The following MSI2 variants were observed in gnomAD, a reference collection of about 807,000 sequenced individuals.
MSI2 encodes the protein musashi RNA binding protein 2.
In MSI2, 17 loss-of-function variants were observed where a neutral mutation model predicts 45.6. That is an observed-to-expected ratio of 0.37 (90% CI 0.26 to 0.56). The LOEUF (loss-of-function observed/expected upper bound fraction) is 0.56, where lower values mean the gene tolerates loss of function less well. Ranked by LOEUF, MSI2 falls within the 20% of genes least tolerant of loss-of-function variation. MSI2 has a pLI of 0.77. For synonymous variants in MSI2, 156 were observed against 158.2 expected (o/e 0.99, Z 0.11); for missense variants, 293 against 444.2 (o/e 0.66, Z 3.06).
intron 5 of MSI2, among the ~76,000 whole-genome samples, chr17:57,343,752 G>A (rs78415013): frequency 5.3e-5 from 8 of 152,122 alleles, no homozygotes; most frequent in East Asian, 1.9e-4. Flanking sequence ...TGACTCTTTC[G>A]TCTGCTTTAA....
rs74268855 is a variant in MSI2, at chr17:57,488,823, TA to T, written c.406-40839del. Among the ~76,000 whole-genome samples, 956 of 139,528 alleles carry T rather than the reference TA, an allele frequency of 6.9e-3. 1 individual carries two copies. Among genetic ancestry groups the T allele is most frequent in the Middle Eastern group, 7.7e-3 (2 of 260 alleles). The allele number at this position is 139,528 out of a possible 152,430, so 91.5% of individuals were successfully genotyped here. The stretch of plus-strand genomic sequence containing the variant: ...TGGGCAACAAGAGTGAAACTCCGTC[TA>T]AAAAAAAAAAAAATGTGTTCAGATC... On this transcript the variant is annotated intron_variant, in intron 6 of 13. Transcript: ENST00000284073.
intron 5 of MSI2, among the ~76,000 whole-genome samples, chr17:57,275,992 AAG>A (rs1908811177): frequency 6.6e-6 from 1 of 152,112 alleles, no homozygotes; most frequent in East Asian, 1.9e-4. Context: ...CTTGGAGAGA[AAG>A]AGTCTTGGGG....
At chr17:57,671,215 C>T (rs948841776) in intron 11 of MSI2, among the ~76,000 whole-genome samples, 16 of 152,318 alleles carry the variant, frequency 1.1e-4, no homozygotes, top group Non-Finnish European at 2.2e-4. Flanking sequence ...CAGGGCTTGT[C>T]CCAAGCCACT....
At chr17:57,430,193 C>T (rs191031239) in intron 6 of MSI2, among the ~76,000 whole-genome samples, 5 of 152,262 alleles carry the variant, frequency 3.3e-5, no homozygotes, top group South Asian at 2.1e-4. Context: ...CTGTAGCCAC[C>T]GAAGAAAACT....
rs58479533 is a variant in MSI2, at chr17:57,500,790, CAA to C, written c.406-28868_406-28867del. Among the ~76,000 whole-genome samples, 780 of 107,112 alleles carry C rather than the reference CAA, an allele frequency of 7.3e-3. 4 individuals carry two copies. The highest frequency in any genetic ancestry group is 0.042 in the South Asian group (128 of 3,020). 70.3% of individuals were successfully genotyped at this position (107,112 alleles called of 152,430 possible). The stretch of plus-strand genomic sequence containing the variant: ...GAGTTCGAGGCCACCCTGTCTCTAC[CAA>C]AAAAAAAAAAAAAAAAAGGATTAGC... On this transcript the variant is annotated intron_variant, in intron 6 of 13. Transcript: ENST00000284073.
rs1485579534 is a variant in MSI2 at position 57,596,145 on chromosome 17, A to G, written c.455-723A>G. 2.6e-5 allele frequency among the ~76,000 whole-genome samples: 4 copies of G among 152,210 alleles called. No individual in the cohort carries two copies. Reference sequence around the variant, plus strand: ...GCGGGAGGAGAAGAAAGAAAGGGGCAGGAGGGTAGGAGAGGAACTGAGGAT... The same window carrying G: ...GCGGGAGGAGAAGAAAGAAAGGGGCGGGAGGGTAGGAGAGGAACTGAGGAT... On this transcript the variant is annotated intron_variant, in intron 7 of 13. Transcript: ENST00000284073. This position sits in a 1 kb window ranked among gnomAD's most constrained non-coding sequence, Gnocchi z 4.6.
At chr17:57,458,291 G>A (rs972149260) in intron 6 of MSI2, among the ~76,000 whole-genome samples, 27 of 151,964 alleles carry the variant, frequency 1.8e-4, no homozygotes, top group Admixed American at 1.7e-3. Context: ...TAGTAGAGAC[G>A]GGGTTTCACT....
chr17:57,495,899 T>C (rs1452346661), intron 6 of MSI2, among the ~76,000 whole-genome samples: 1 of 152,260 alleles, frequency 6.6e-6, no homozygotes, highest in African/African-American at 2.4e-5. Flanking sequence ...AATACAGTTA[T>C]ATATCCTCAT....
intron 7 of MSI2, chr17:57,532,117 C>T (rs1202038968): frequency 6.6e-6 from 1 of 152,266 alleles, no homozygotes; most frequent in Non-Finnish European, 1.5e-5. Context: ...TGCATGCACA[C>T]TCCTGCCCCC....
In MSI2 at chr17:57,486,746, T is replaced by C. The variant is rs189625332; in HGVS notation, c.406-42930T>C. Among the ~76,000 whole-genome samples the C allele has an allele frequency of 7.5e-4, 114 of 152,308 alleles. No homozygotes were observed. The Middle Eastern group carries it at 0.02, about 27-fold the overall frequency. ...CTGAGTGTGGGAAGGAGAATCAGTT[T>C]GAAAGAGCTCTTTTATCTGCACTCC... is the stretch of plus-strand genomic sequence containing the variant. On this transcript the variant is annotated intron_variant, in intron 6 of 13. Transcript: ENST00000284073.
At chr17:57,499,387 A>AAT (rs2086050733) in intron 6 of MSI2, among the ~76,000 whole-genome samples, 1 of 151,170 alleles carries the variant, frequency 6.6e-6, no homozygotes, top group Non-Finnish European at 1.5e-5. Context: ...AAAAAAAAAA[A>AAT]AAAAAAGGGC....
intron 8 of MSI2, among the ~76,000 whole-genome samples, chr17:57,610,861 G>A (rs1022806732): frequency 1.1e-5 from 1 of 94,904 alleles, no homozygotes; most frequent in South Asian, 3.9e-4. Context: ...CCAGTTTGTC[G>A]AACAAAGCAG....
chr17:57,661,267 A>G (rs1911969543), intron 11 of MSI2, among the ~76,000 whole-genome samples: 1 of 152,174 alleles, frequency 6.6e-6, no homozygotes, highest in South Asian at 2.1e-4. Context: ...CTAGCCTTTA[A>G]TAAGGATAGA....
intron 6 of MSI2, among the ~76,000 whole-genome samples, chr17:57,502,609 A>ATG (rs1439384913): frequency 6.3e-5 from 6 of 95,750 alleles, no homozygotes; most frequent in Non-Finnish European, 8.4e-5. Context: ...TGAGATATAT[A>ATG]TATATATATA....
Position 57,616,014 on chromosome 17 carries a change from T to G in MSI2, c.582T>G (p.Pro194=). The G allele has an allele frequency of 6.2e-7, 1 of 1,614,192 alleles. No homozygotes were observed. Among genetic ancestry groups the G allele is most frequent in the Non-Finnish European group, 8.5e-7 (1 of 1,180,020 alleles). The part of the protein sequence containing the change: ...KAQPKEVMFP[P]GTRGRARGLP... ...AGCCGAAAGAAGTCATGTTCCCACC[T>G]GGGACAAGAGGCCGGGCCCGGGGAC... The change falls in exon 9 of 14, where the codon CCT becomes CCG. Residue 194 remains proline (P), a synonymous_variant. Coordinates refer to ENST00000284073, the MANE Select transcript of MSI2 (RefSeq NM_138962.4).
chr17:57,645,055 A>AAT (rs1439929411), intron 10 of MSI2, among the ~76,000 whole-genome samples: 1 of 152,232 alleles, frequency 6.6e-6, no homozygotes, highest in East Asian at 1.9e-4. Context: ...GACAGAGGGC[A>AAT]ATACCCTTTC....
intron 5 of MSI2, among the ~76,000 whole-genome samples, chr17:57,284,208 C>T (rs540479887): frequency 6.6e-6 from 1 of 152,100 alleles, no homozygotes; most frequent in African/African-American, 2.4e-5. Flanking sequence ...ATTGGCTGTG[C>T]TGGGCCCTCC....
intron 6 of MSI2, among the ~76,000 whole-genome samples, chr17:57,477,946 G>A (rs546985589): frequency 6.6e-6 from 1 of 152,314 alleles, no homozygotes; most frequent in East Asian, 1.9e-4. Context: ...CTCCAGGAGT[G>A]GAGAGAGAGC....
At chr17:57,508,399 A>C (rs181702708) in intron 6 of MSI2, among the ~76,000 whole-genome samples, 1 of 152,224 alleles carries the variant, frequency 6.6e-6, no homozygotes, top group Non-Finnish European at 1.5e-5. Flanking sequence ...CAGGAAAATC[A>C]ACACATTTTC....
Sources: allele counts gnomAD v4.1 joint callset (sites outside exome capture counted in the v4.1 genomes callset), GRCh38; gene constraint gnomAD v4.1.1; non-coding constraint Gnocchi (gnomAD v3.1); transcripts MANE v1.5; gene names NCBI Gene and HGNC (gene_info 2026-07-23, HGNC 2026-07-21).